Variants in ZNF253 observed in about 807,000 individuals in gnomAD.
ZNF253 encodes the protein DNA-binding protein.
ZNF253 carries 8 observed loss-of-function variants against 11.9 expected under a neutral mutation model. The observed-to-expected ratio is 0.67, with a 90% CI of 0.40 to 1.22. The LOEUF is 1.22. ZNF253 is among the 50% of genes most tolerant of loss of function. The probability of loss-of-function intolerance (pLI) is 0.01; values close to 1 mark genes in which losing one functional copy is unlikely to be tolerated. For missense variants in ZNF253, 485 were observed against 586.9 expected (o/e 0.83, Z 1.79); for synonymous variants, 194 against 194.9 (o/e 1.00, Z 0.04).
chr19:19,876,998 C>T (rs1001030450), intron 1 of ZNF253, among the ~76,000 whole-genome samples: 3 of 152,132 alleles, frequency 2.0e-5, no homozygotes, highest in African/African-American at 4.8e-5. Context: ...ATGTTCCCTT[C>T]GTGGCTGTTG....
intron 3 of ZNF253, among the ~76,000 whole-genome samples, chr19:19,880,865 C>T (rs2063175423): frequency 6.6e-6 from 1 of 150,980 alleles, no homozygotes; most frequent in South Asian, 2.1e-4. Flanking sequence ...ATTAGTTTAT[C>T]TTGCATTTTT....
chr19:19,880,440 C>A (rs2063173237), intron 3 of ZNF253, among the ~76,000 whole-genome samples: 1 of 152,140 alleles, frequency 6.6e-6, no homozygotes, highest in South Asian at 2.1e-4. Flanking sequence ...AGTGGTGGCT[C>A]ACCCCTGTAC....
At chr19:19,876,215 A>G (rs894355657) in intron 1 of ZNF253, among the ~76,000 whole-genome samples, 4 of 152,200 alleles carry the variant, frequency 2.6e-5, no homozygotes, top group African/African-American at 4.8e-5. Flanking sequence ...ACTTGTTTAA[A>G]ACACCCATTT....
intron 3 of ZNF253, among the ~76,000 whole-genome samples, chr19:19,890,153 A>G (rs2063222543): frequency 6.6e-6 from 1 of 152,212 alleles, no homozygotes; most frequent in African/African-American, 2.4e-5. Context: ...TGTTTTGGCT[A>G]GAGATTCTGG....
intron 3 of ZNF253, among the ~76,000 whole-genome samples, chr19:19,884,178 G>T (rs7256317): frequency 0.99 from 150,572 of 152,240 alleles, 74,469 homozygotes; most frequent in East Asian, 1. Flanking sequence ...GTGACAAGAT[G>T]GTTATTTTTA....
At chr19:19,885,989 A>C (rs1188521514) in intron 3 of ZNF253, among the ~76,000 whole-genome samples, 1 of 151,974 alleles carries the variant, frequency 6.6e-6, no homozygotes, top group East Asian at 1.9e-4. Flanking sequence ...TAGTCTTTTA[A>C]AATTGTTTTG....
chr19:19,880,013 A>G (rs2063170643), intron 2 of ZNF253, 38 bp from the exon 3 acceptor site: 4 of 1,497,922 alleles, frequency 2.7e-6, no homozygotes, highest in African/African-American at 1.4e-5. Flanking sequence ...ATGGGAGTAT[A>G]TGAGCAAGAT....
At chr19:19,889,387 C>T (rs7255064) in intron 3 of ZNF253, among the ~76,000 whole-genome samples, 33,372 of 151,970 alleles carry the variant, frequency 0.22, 4,215 homozygotes, top group East Asian at 0.58. Context: ...CACTCTGTTG[C>T]CCAGGCTAGA....
chr19:19,865,964 C>CAGCTAA lies in ZNF253; in HGVS notation c.-31_-26dup, dbSNP rs773131125. ...TGACCTGCAAGTATTGGGAGAGCCA[C>CAGCTAA]AGCTAAACCCCGGGACCCCTGGAAG... is the stretch of plus-strand genomic sequence containing the variant. On this transcript the variant is annotated 5_prime_UTR_variant, in exon 1 of 4. Coordinates refer to ENST00000589717, the MANE Select transcript of ZNF253 (RefSeq NM_021047.3). 2.5e-6 allele frequency: 4 copies of CAGCTAA among 1,614,056 alleles called. No homozygotes were observed. Among genetic ancestry groups the CAGCTAA allele is most frequent in the Admixed American group, 1.7e-5 (1 of 59,998 alleles).
At chr19:19,872,580 T>TATATATATATATATATA (rs1555777030) in intron 1 of ZNF253, among the ~76,000 whole-genome samples, 56 of 108,364 alleles carry the variant, frequency 5.2e-4, no homozygotes, top group African/African-American at 1.7e-3. Flanking sequence ...TATATATATA[T>TATATATATATATATATA]TATTATATAT....
chr19:19,875,387 A>G (rs2063150699), intron 1 of ZNF253, among the ~76,000 whole-genome samples: 1 of 124,312 alleles, frequency 8.0e-6, no homozygotes, highest in Admixed American at 7.6e-5. Context: ...AAACTACATT[A>G]AACTCTTTCT....
chr19:19,871,274 G>T (rs1430600272), intron 1 of ZNF253: 1 of 152,648 alleles, frequency 6.6e-6, no homozygotes, highest in Non-Finnish European at 1.5e-5. Flanking sequence ...CTCTCCTCCT[G>T]CAGCTCAGGC....
intron 3 of ZNF253, among the ~76,000 whole-genome samples, chr19:19,880,850 A>G (rs182062186): frequency 6.8e-4 from 104 of 152,028 alleles, no homozygotes; most frequent in African/African-American, 2.4e-3. Context: ...GAAATGCGTG[A>G]GAGTATTAGT....
rs775306402 is a variant in ZNF253 at position 19,892,557 on chromosome 19, C to T, written c.1310C>T (p.Ser437Leu). Residue 437 changes from serine to leucine, a missense_variant, in exon 4 of 4, where the codon TCA becomes TTA. Around this residue, in one of 3 missense-constraint regions of ZNF253, gnomAD observed 232 missense variants for 321.4 expected, o/e 0.72. Transcript: ENST00000589717. ...TGTGGCAAATCCTTTACTGCATCCT[C>T]AACTCTAACTACACATAAGAGAATT... Reference protein sequence around the residue: ...EECGKSFTASSTLTTHKRIHT... With the variant: ...EECGKSFTASLTLTTHKRIHT... 4 of 1,613,986 alleles carry T rather than the reference C, an allele frequency of 2.5e-6. No homozygotes were observed. In the South Asian group the frequency reaches 4.4e-5, roughly 18 times the overall value.
chr19:19,884,883 A>T (rs1189444774), intron 3 of ZNF253, among the ~76,000 whole-genome samples: 1 of 152,134 alleles, frequency 6.6e-6, no homozygotes, highest in Non-Finnish European at 1.5e-5. Flanking sequence ...TCATTTCTCT[A>T]CAAATTAGTA....
At chr19:19,878,342 T>G in intron 1 of ZNF253, 139 bp from the exon 2 acceptor site, 1 of 1,441,820 alleles carries the variant, frequency 6.9e-7, no homozygotes, top group Non-Finnish European at 9.4e-7. Context: ...ATTTTTGGGT[T>G]GAAAAATATT....
At chr19:19,884,841 A>G (rs2063191948) in intron 3 of ZNF253, among the ~76,000 whole-genome samples, 1 of 152,100 alleles carries the variant, frequency 6.6e-6, no homozygotes, top group Non-Finnish European at 1.5e-5. Flanking sequence ...TCTAATGGGT[A>G]TGAGGTGATT....
chr19:19,869,837 T>G lies in ZNF253; in HGVS notation c.3+3838T>G, dbSNP rs867990180. 2.8e-4 allele frequency among the ~76,000 whole-genome samples: 43 copies of G among 151,380 alleles called. No homozygotes were observed. In the Middle Eastern group the frequency reaches 0.01, roughly 36 times the overall value. The stretch of plus-strand genomic sequence containing the variant: ...GGCATGCACCACCATGTCCGGCTAC[T>G]TTTTTGTATTTTTAGTAGAGACAGG... On this transcript the variant is annotated intron_variant, in intron 1 of 3. Transcript: ENST00000589717.
At chr19:19,886,505 T>G (rs976030397) in intron 3 of ZNF253, among the ~76,000 whole-genome samples, 1 of 152,164 alleles carries the variant, frequency 6.6e-6, no homozygotes, top group African/African-American at 2.4e-5. Flanking sequence ...TGGGACACGT[T>G]TGGATCATGG....
Sources: allele counts gnomAD v4.1 joint callset (sites outside exome capture counted in the v4.1 genomes callset), GRCh38; gene constraint gnomAD v4.1.1; regional missense constraint gnomAD v4.1.1; transcripts MANE v1.5; gene names NCBI Gene and HGNC (gene_info 2026-07-23, HGNC 2026-07-21).